The following KHDRBS2 variants were observed in gnomAD, a reference collection of about 807,000 sequenced individuals.
The protein encoded by KHDRBS2 is KH RNA binding domain containing, signal transduction associated 2.
Under a neutral mutation model 44.3 loss-of-function variants are expected in KHDRBS2, and 26 were observed. The observed-to-expected ratio is 0.59, with a 90% CI of 0.43 to 0.81. The LOEUF (loss-of-function observed/expected upper bound fraction) is 0.81. KHDRBS2 is among the 40% of genes least tolerant of loss of function. The pLI is 0.00. For synonymous variants in KHDRBS2, 194 were observed against 151.1 expected (o/e 1.28, Z -2.08); for missense variants, 476 against 433.1 (o/e 1.10, Z -0.88).
intron 3 of KHDRBS2, among the ~76,000 whole-genome samples, chr6:62,031,276 T>C (rs1429323399): frequency 6.6e-6 from 1 of 151,756 alleles, no homozygotes; most frequent in African/African-American, 2.4e-5. Flanking sequence ...GTCAAGAAAA[T>C]TGGGTAGGAT....
chr6:62,160,565 T>A (rs1177403982), intron 2 of KHDRBS2, among the ~76,000 whole-genome samples: 1 of 152,106 alleles, frequency 6.6e-6, no homozygotes, highest in East Asian at 1.9e-4. Context: ...CCACTGGAAC[T>A]TTTTGAGGAG....
chr6:62,070,871 G>T (rs1794892115), intron 2 of KHDRBS2, among the ~76,000 whole-genome samples: 1 of 152,098 alleles, frequency 6.6e-6, no homozygotes, highest in Non-Finnish European at 1.5e-5. Flanking sequence ...GGGATGGCTG[G>T]GTCAAATGGT....
chr6:61,548,386 A>G, the KHDRBS2 span, among the ~76,000 whole-genome samples: 2 of 152,130 alleles, frequency 1.3e-5, no homozygotes, highest in South Asian at 4.1e-4. Flanking sequence ...CATGGTTTCC[A>G]TAAGAATCAC....
chr6:61,971,473 G>A (rs1771402329), intron 4 of KHDRBS2, among the ~76,000 whole-genome samples: 1 of 152,026 alleles, frequency 6.6e-6, no homozygotes, highest in Non-Finnish European at 1.5e-5. Context: ...AGAAGTTGAA[G>A]ATACATTTCA....
intron 6 of KHDRBS2, among the ~76,000 whole-genome samples, chr6:61,836,999 T>A (rs1792796401): frequency 6.6e-6 from 1 of 151,994 alleles, no homozygotes; most frequent in African/African-American, 2.4e-5. Flanking sequence ...AGAATTCATT[T>A]ATCTGTGACA....
At chr6:61,558,764 T>C in the KHDRBS2 span, among the ~76,000 whole-genome samples, 1 of 152,204 alleles carries the variant, frequency 6.6e-6, no homozygotes, top group African/African-American at 2.4e-5. Context: ...TATTATTTTA[T>C]TTTGGTCAGA....
rs532151451 is a variant in KHDRBS2, at chr6:61,751,080, ATTG to A, written c.811-18319_811-18317del. 7.7e-4 allele frequency among the ~76,000 whole-genome samples: 117 copies of A among 152,246 alleles called. 1 individual carries two copies. The highest frequency in any genetic ancestry group is 2.7e-3 in the African/African-American group (112 of 41,560). On this transcript the variant is annotated intron_variant, in intron 6 of 8. Transcript: ENST00000281156. ...AATACTTGCATAAATTATTCCATTT[ATTG>A]TTAAGAAGCTGCTACTTATACCCAT...
chr6:62,150,229 G>T (rs774934731), intron 2 of KHDRBS2, among the ~76,000 whole-genome samples: 6 of 151,766 alleles, frequency 4.0e-5, no homozygotes, highest in Non-Finnish European at 7.4e-5. Flanking sequence ...TTCAGTAATG[G>T]CCCTGACAGT....
chr6:62,097,992 G>A (rs1320667848), intron 2 of KHDRBS2, among the ~76,000 whole-genome samples: 1 of 151,842 alleles, frequency 6.6e-6, no homozygotes, highest in Admixed American at 6.6e-5. Flanking sequence ...CATAAAGATA[G>A]GAAATGAAAC....
At chr6:62,207,046 A>C (rs1828105277) in intron 1 of KHDRBS2, among the ~76,000 whole-genome samples, 1 of 152,074 alleles carries the variant, frequency 6.6e-6, no homozygotes. Context: ...AAAAGCAATG[A>C]ACTTTAATCC....
intron 1 of KHDRBS2, among the ~76,000 whole-genome samples, chr6:62,229,384 C>T (rs1585308724): frequency 1.3e-5 from 2 of 152,262 alleles, no homozygotes; most frequent in Admixed American, 6.5e-5. Flanking sequence ...AAAGTGTGAC[C>T]TGGAGCTATA....
chr6:61,915,129 A>G (rs142626566), intron 4 of KHDRBS2, among the ~76,000 whole-genome samples: 1 of 152,112 alleles, frequency 6.6e-6, no homozygotes, highest in East Asian at 1.9e-4. Context: ...TCTTAAGGTA[A>G]TGAGTCCTCA....
rs547077901 is a variant in KHDRBS2, at chr6:62,195,729, G to C, written c.92-18417C>G. Among the ~76,000 whole-genome samples, 22 of 152,192 alleles carry C rather than the reference G, an allele frequency of 1.4e-4. No homozygotes were observed. The Middle Eastern group carries it at 0.014, about 94-fold the overall frequency. On this transcript the variant is annotated intron_variant, in intron 1 of 8. Coordinates refer to ENST00000281156, the MANE Select transcript of KHDRBS2 (RefSeq NM_152688.4). ...AATGACATATATAAAAATACACAAA[G>C]TGTGCATAGTCCAGCTAAAAAAAGT...
chr6:61,897,119 G>C (rs530379459), intron 5 of KHDRBS2, among the ~76,000 whole-genome samples: 2 of 152,102 alleles, frequency 1.3e-5, no homozygotes, highest in Non-Finnish European at 2.9e-5. Context: ...ATCTTGGCTT[G>C]TGTTCCTTAT....
intron 6 of KHDRBS2, among the ~76,000 whole-genome samples, chr6:61,784,969 CA>C (rs1366259076): frequency 1.3e-5 from 2 of 151,756 alleles, no homozygotes; most frequent in African/African-American, 4.8e-5. Context: ...GGCAACATGG[CA>C]AAACTCTGTC....
intron 4 of KHDRBS2, among the ~76,000 whole-genome samples, chr6:61,947,421 T>C (rs1467986264): frequency 6.6e-6 from 1 of 152,184 alleles, no homozygotes; most frequent in Admixed American, 6.6e-5. Flanking sequence ...TCAACAAATA[T>C]TAAAAGCCCA....
At chr6:62,173,752 G>T (rs941448555) in intron 2 of KHDRBS2, among the ~76,000 whole-genome samples, 1 of 152,000 alleles carries the variant, frequency 6.6e-6, no homozygotes, top group African/African-American at 2.4e-5. Flanking sequence ...GAGAAGCAAG[G>T]TTGGCTTAAC....
chr6:61,635,602 T>C, the KHDRBS2 span, among the ~76,000 whole-genome samples: 1 of 152,018 alleles, frequency 6.6e-6, no homozygotes, highest in Non-Finnish European at 1.5e-5. Context: ...GAAATGAAGA[T>C]AAACTGAAAT....
intron 1 of KHDRBS2, among the ~76,000 whole-genome samples, chr6:62,260,485 T>G (rs1053920780): frequency 2.0e-4 from 30 of 152,140 alleles, no homozygotes; most frequent in African/African-American, 6.7e-4. Flanking sequence ...AATTCCACAC[T>G]ATTTCCAAGT....
Sources: allele counts gnomAD v4.1 joint callset (sites outside exome capture counted in the v4.1 genomes callset), GRCh38; gene constraint gnomAD v4.1.1; transcripts MANE v1.5; gene names NCBI Gene and HGNC (gene_info 2026-07-23, HGNC 2026-07-21).